The following ACAD10 variants were observed in gnomAD, a reference collection of about 807,000 sequenced individuals.
ACAD10 encodes acyl-CoA dehydrogenase family member 10.
In ACAD10, 112 loss-of-function variants were observed where a neutral mutation model predicts 116.8. The observed-to-expected ratio is 0.96, with a 90% CI of 0.82 to 1.12. ACAD10 has a LOEUF of 1.12. ACAD10 is among the 50% of genes most tolerant of loss of function. ACAD10 has a pLI of 0.00. For missense variants in ACAD10, 1,259 were observed against 1,350.2 expected, an observed-to-expected ratio of 0.93 and a Z score of 1.06; for synonymous variants, 486 against 510.6, an observed-to-expected ratio of 0.95 and a Z score of 0.65.
chr12:111,730,408 C>A (rs957028795), intron 10 of ACAD10, among the ~76,000 whole-genome samples: 7 of 151,916 alleles, frequency 4.6e-5, no homozygotes, highest in Admixed American at 4.6e-4. Flanking sequence ...TCCCAAGAGG[C>A]CTGGGGATGG....
rs749031696 is a variant in ACAD10, at chr12:111,702,319, T to G, written c.336+9T>G. 1 of 1,611,674 alleles carries G rather than the reference T, an allele frequency of 6.2e-7. No homozygotes were observed. The highest frequency in any genetic ancestry group is 1.1e-5 in the South Asian group (1 of 90,584). On this transcript the variant is annotated intron_variant, in intron 3 of 20. Transcript: ENST00000313698. ...GACTTTGCTCTGAAATGGTGAGTGG[T>G]AAACATACCTACATTTCCATATTTT...
chr12:111,755,879 T>C (rs1376382714), intron 20 of ACAD10, 134 bp downstream of exon 20: 1 of 924,422 alleles, frequency 1.1e-6, no homozygotes, highest in Non-Finnish European at 1.7e-6. Context: ...CATGCAACTT[T>C]CCTTTTCCTC....
At chr12:111,704,711 G>A (rs1395368146) in intron 3 of ACAD10, among the ~76,000 whole-genome samples, 30 of 123,280 alleles carry the variant, frequency 2.4e-4, no homozygotes, top group Admixed American at 1.0e-3. Context: ...TTTTTGAGAC[G>A]GAGTCTTGCT....
intron 1 of ACAD10, among the ~76,000 whole-genome samples, chr12:111,687,082 C>T (rs560976136): frequency 1.3e-5 from 2 of 152,236 alleles, no homozygotes; most frequent in East Asian, 3.9e-4. Flanking sequence ...GATACTGACA[C>T]AATCAATGCA....
intron 8 of ACAD10, among the ~76,000 whole-genome samples, chr12:111,726,785 C>T (rs983315458): frequency 2.6e-5 from 4 of 152,036 alleles, no homozygotes; most frequent in African/African-American, 7.2e-5. Flanking sequence ...CACTTGAACC[C>T]GGGAGGCGGA....
chr12:111,692,064 G>T (rs577531732), intron 1 of ACAD10, among the ~76,000 whole-genome samples: 59 of 152,258 alleles, frequency 3.9e-4, no homozygotes, highest in African/African-American at 1.3e-3. Context: ...TGCCTCCCGG[G>T]TTCAAGCGAT....
At chr12:111,718,615 G>GTACA (rs1888919983) in intron 7 of ACAD10, among the ~76,000 whole-genome samples, 1 of 152,040 alleles carries the variant, frequency 6.6e-6, no homozygotes. Flanking sequence ...GAGTAGCTGG[G>GTACA]ATTACAGGCA....
chr12:111,701,563 G>C (rs1888350913), intron 2 of ACAD10, among the ~76,000 whole-genome samples: 1 of 152,190 alleles, frequency 6.6e-6, no homozygotes, highest in Admixed American at 6.5e-5. Context: ...TACCTGGGGG[G>C]CTGAGGCACG....
At chr12:111,707,771 G>A (rs573221913) in intron 4 of ACAD10, among the ~76,000 whole-genome samples, 1 of 152,206 alleles carries the variant, frequency 6.6e-6, no homozygotes, top group South Asian at 2.1e-4. Flanking sequence ...CCTATGCCTG[G>A]GTGTATTTGT....
At chr12:111,744,594 A>G (rs754584246) in intron 12 of ACAD10, 49 bp from the exon 13 acceptor site, 16 of 1,570,206 alleles carry the variant, frequency 1.0e-5, no homozygotes, top group Non-Finnish European at 1.3e-5. Context: ...TAACATCCCT[A>G]TGATGGGTCG....
In ACAD10 at chr12:111,756,935, G is replaced by C. The variant is rs1345429344; in HGVS notation, c.*462G>C. 4.4e-6 allele frequency: 2 copies of C among 452,990 alleles called. No homozygotes were observed. Among genetic ancestry groups the C allele is most frequent in the South Asian group, 3.1e-5 (2 of 64,316 alleles). The allele number at this position is 452,990 out of a possible 1,614,324, so 28.1% of individuals were successfully genotyped here. On this transcript the variant is annotated 3_prime_UTR_variant, in exon 21 of 21. Transcript: ENST00000313698. ...CGGCCACGGCGGGCGGTGGCCTAGA[G>C]ACCCAGGACCTGGGCGCCTGGGAAA...
chr12:111,742,910 A>C (rs541158562), intron 12 of ACAD10, among the ~76,000 whole-genome samples: 1 of 151,614 alleles, frequency 6.6e-6, no homozygotes. Context: ...GGGTTTCACC[A>C]TGTTGCCCAG....
intron 16 of ACAD10, among the ~76,000 whole-genome samples, chr12:111,747,994 G>A (rs1889963150): frequency 6.6e-6 from 1 of 152,188 alleles, no homozygotes; most frequent in Admixed American, 6.5e-5. Flanking sequence ...GAGCCGTTAT[G>A]TGTGCACCAC....
chr12:111,709,730 A>G, intron 5 of ACAD10, 46 bp downstream of exon 5: 1 of 1,527,574 alleles, frequency 6.5e-7, no homozygotes, highest in African/African-American at 1.4e-5. Context: ...ACCAGCCACT[A>G]ATGCAATGTT....
chr12:111,755,185 C>T (rs188951142), intron 19 of ACAD10, among the ~76,000 whole-genome samples: 82 of 152,322 alleles, frequency 5.4e-4, no homozygotes, highest in African/African-American at 1.9e-3. Context: ...TCACTGCAAC[C>T]TCCGCCTCCC....
chr12:111,752,987 T>C (rs1303456663), intron 18 of ACAD10: 1 of 158,738 alleles, frequency 6.3e-6, no homozygotes, highest in African/African-American at 2.4e-5. Flanking sequence ...CTACAAAAAA[T>C]TGGAAAGTTA....
chr12:111,736,471 A>G (rs1389342575), intron 11 of ACAD10, among the ~76,000 whole-genome samples: 5 of 152,164 alleles, frequency 3.3e-5, no homozygotes, highest in Admixed American at 3.3e-4. Context: ...GATTACAGGC[A>G]TGAGCCACTG....
chr12:111,735,702 G>A (rs535156071), intron 11 of ACAD10, among the ~76,000 whole-genome samples: 9 of 152,178 alleles, frequency 5.9e-5, no homozygotes, highest in African/African-American at 1.9e-4. Context: ...TGATCCGCCC[G>A]CCTTGGCCTC....
intron 9 of ACAD10, 116 bp downstream of exon 9, chr12:111,728,259 T>G: frequency 9.7e-7 from 1 of 1,031,900 alleles, no homozygotes; most frequent in Non-Finnish European, 1.3e-6. Context: ...TAAGGCAGAC[T>G]TAGCTTCTTC....
Sources: allele counts gnomAD v4.1 joint callset (sites outside exome capture counted in the v4.1 genomes callset), GRCh38; gene constraint gnomAD v4.1.1; transcripts MANE v1.5; gene names NCBI Gene and HGNC (gene_info 2026-07-23, HGNC 2026-07-21).